The following CORO2B variants were observed in gnomAD, a reference collection of about 807,000 sequenced individuals.
CORO2B encodes coronin 2B, also known as coronin-2B.
Under a neutral mutation model 58.8 loss-of-function variants are expected in CORO2B, and 26 were observed. The observed-to-expected ratio is 0.44, with a 90% CI of 0.32 to 0.61. The LOEUF (loss-of-function observed/expected upper bound fraction) is 0.61, where lower values mean the gene tolerates loss of function less well. Ranked by LOEUF, CORO2B falls within the 20% of genes least tolerant of loss-of-function variation. The pLI, the probability that CORO2B is intolerant of heterozygous loss-of-function variation, is 0.04. For synonymous variants in CORO2B, 242 were observed against 253.8 expected, an observed-to-expected ratio of 0.95 and a Z score of 0.44; for missense variants, 460 against 645.1, an observed-to-expected ratio of 0.71 and a Z score of 3.11.
intron 2 of CORO2B, among the ~76,000 whole-genome samples, chr15:68,654,745 C>T (rs1379104710): frequency 2.6e-5 from 4 of 152,202 alleles, no homozygotes; most frequent in South Asian, 4.1e-4. Flanking sequence ...TGCTAGTAAA[C>T]GGGAGCCATG....
At chr15:68,549,338 T>C in the CORO2B span, among the ~76,000 whole-genome samples, 2 of 151,792 alleles carry the variant, frequency 1.3e-5, no homozygotes, top group African/African-American at 4.8e-5. Context: ...TCCTGGAGTT[T>C]ACACTGGGGT....
chr15:68,579,870 G>C (rs1899384161), intron 1 of CORO2B, among the ~76,000 whole-genome samples: 1 of 152,258 alleles, frequency 6.6e-6, no homozygotes, highest in Non-Finnish European at 1.5e-5. Context: ...TGTGACAGGG[G>C]AAGCAAAGGT....
At position 68,727,287 on chromosome 15, in the gene CORO2B, A is replaced by C. The variant is rs768461233; in HGVS notation, c.*1313A>C. ...CTTCTGCAGATGAGGAAACCGAGAG[A>C]AGTGGCCCAAGGTCACGCAACTCTG... On this transcript the variant is annotated 3_prime_UTR_variant, in exon 12 of 12. Transcript: ENST00000261861. 2.6e-5 allele frequency: 4 copies of C among 152,634 alleles called. No homozygotes were observed. Among genetic ancestry groups the C allele is most frequent in the Non-Finnish European group, 5.9e-5 (4 of 68,048 alleles). The allele number at this position is 152,634 out of a possible 1,614,324, so 9.5% of individuals were successfully genotyped here.
At chr15:68,702,447 C>T (rs555919143) in intron 3 of CORO2B, among the ~76,000 whole-genome samples, 12 of 152,256 alleles carry the variant, frequency 7.9e-5, no homozygotes, top group Admixed American at 7.2e-4. Flanking sequence ...CTCCTACCTC[C>T]CTGGGTTTGG....
chr15:68,715,759 C>A (rs1327678785), intron 8 of CORO2B, among the ~76,000 whole-genome samples: 2 of 152,184 alleles, frequency 1.3e-5, no homozygotes, highest in African/African-American at 4.8e-5. Context: ...GTGACTGCAG[C>A]CCCAAGCTCC....
chr15:68,633,981 G>A (rs903149929), intron 1 of CORO2B, among the ~76,000 whole-genome samples: 3 of 152,274 alleles, frequency 2.0e-5, no homozygotes, highest in Non-Finnish European at 2.9e-5. Context: ...ACGGGATCCC[G>A]GTTATCCTGA....
intron 1 of CORO2B, among the ~76,000 whole-genome samples, chr15:68,621,796 TC>T (rs1412112590): frequency 3.3e-5 from 5 of 149,962 alleles, no homozygotes; most frequent in Admixed American, 6.7e-5. Context: ...AGACAGGGTC[TC>T]CTAGGCTGGA....
intron 1 of CORO2B, among the ~76,000 whole-genome samples, chr15:68,605,101 G>A (rs1218895717): frequency 3.3e-5 from 5 of 150,770 alleles, no homozygotes; most frequent in East Asian, 1.9e-4. Flanking sequence ...GCAACAGAGC[G>A]AGACTCCGTC....
intron 2 of CORO2B, among the ~76,000 whole-genome samples, chr15:68,646,549 C>T (rs1901435386): frequency 1.3e-5 from 2 of 152,234 alleles, no homozygotes; most frequent in Admixed American, 6.5e-5. Flanking sequence ...GCTGCAGGGA[C>T]ACTGAGGACA....
chr15:68,579,531 ACTGCATTTTTAACCCTTGTTTGGGATG>A (rs1899371701), intron 1 of CORO2B, among the ~76,000 whole-genome samples: 1 of 152,154 alleles, frequency 6.6e-6, no homozygotes, highest in Admixed American at 6.5e-5. Context: ...CAACCCCGGG[ACTGCATTTTTAACCCTTGTTTGGGATG>A]CTGCATTTTT....
chr15:68,601,418 G>T (rs890335318), intron 1 of CORO2B, among the ~76,000 whole-genome samples: 3 of 152,230 alleles, frequency 2.0e-5, no homozygotes, highest in African/African-American at 7.2e-5. Context: ...TAGGCACCGA[G>T]GATAAAACGG....
At chr15:68,570,222 A>G in the CORO2B span, among the ~76,000 whole-genome samples, 1 of 152,256 alleles carries the variant, frequency 6.6e-6, no homozygotes, top group African/African-American at 2.4e-5. Context: ...CATGTAAGTC[A>G]TATAGCCTCT....
chr15:68,636,590 G>A (rs1468568535), intron 1 of CORO2B, among the ~76,000 whole-genome samples: 1 of 152,172 alleles, frequency 6.6e-6, no homozygotes, highest in East Asian at 1.9e-4. Flanking sequence ...GAAAAATGAG[G>A]GGCTTGCCCA....
the CORO2B span, among the ~76,000 whole-genome samples, chr15:68,549,625 T>C: frequency 6.6e-6 from 1 of 152,162 alleles, no homozygotes; most frequent in Non-Finnish European, 1.5e-5. Context: ...GTCACTACAT[T>C]CTGTTCCCAG....
chr15:68,556,906 C>T, the CORO2B span, among the ~76,000 whole-genome samples: 6 of 152,296 alleles, frequency 3.9e-5, no homozygotes, highest in South Asian at 6.2e-4. Context: ...AGGGGACTCA[C>T]GAGAATCTTC....
intron 8 of CORO2B, among the ~76,000 whole-genome samples, chr15:68,715,924 G>T (rs564489431): frequency 6.6e-6 from 1 of 152,014 alleles, no homozygotes; most frequent in Non-Finnish European, 1.5e-5. Flanking sequence ...TCTATATTTC[G>T]GGTCCAAATC....
chr15:68,536,013 A>G, the CORO2B span, among the ~76,000 whole-genome samples: 1 of 152,240 alleles, frequency 6.6e-6, no homozygotes. Context: ...CTTGATTTAT[A>G]ATAAACTTAT....
intron 2 of CORO2B, among the ~76,000 whole-genome samples, chr15:68,662,149 C>T (rs532401306): frequency 3.3e-5 from 5 of 152,292 alleles, no homozygotes; most frequent in South Asian, 2.1e-4. Context: ...CCTGTTATCA[C>T]GACATTTTAT....
intron 1 of CORO2B, among the ~76,000 whole-genome samples, chr15:68,592,661 A>G (rs1397066143): frequency 2.0e-5 from 3 of 152,014 alleles, no homozygotes; most frequent in Non-Finnish European, 4.4e-5. Context: ...ATATTCATTC[A>G]CTCTATAAAT....
Sources: allele counts gnomAD v4.1 joint callset (sites outside exome capture counted in the v4.1 genomes callset), GRCh38; gene constraint gnomAD v4.1.1; transcripts MANE v1.5; gene names NCBI Gene and HGNC (gene_info 2026-07-23, HGNC 2026-07-21).